Variants in TDP1 observed in about 807,000 individuals in gnomAD.
TDP1 encodes tyr-DNA phosphodiesterase 1.
Under a neutral mutation model 81.5 loss-of-function variants are expected in TDP1, and 64 were observed. That is an observed-to-expected ratio of 0.79 (90% CI 0.64 to 0.97). The LOEUF (loss-of-function observed/expected upper bound fraction) is 0.97, where lower values mean the gene tolerates loss of function less well. TDP1 is among the 50% of genes least tolerant of loss of function. The pLI is 0.00. For missense variants in TDP1, 723 were observed against 743.8 expected, an observed-to-expected ratio of 0.97 and a Z score of 0.33; for synonymous variants, 256 against 264.3, an observed-to-expected ratio of 0.97 and a Z score of 0.30.
Position 89,988,910 on chromosome 14 carries a change from GA to G in TDP1, c.1140del (p.Asp381ThrfsTer15), listed in dbSNP as rs1332827993. ...WGHFRLKKLL[K>X]DHASSMPNAE... ...TCACTTTTATTCTTTCCCAGCTTCT[GA>G]AAGACCATGCCTCATCCATGCCTAA... On this transcript the variant is annotated frameshift_variant, in exon 11 of 17. Transcript: ENST00000335725. LOFTEE classifies it high-confidence loss of function. The G allele has an allele frequency of 1.9e-6, 3 of 1,613,934 alleles. No individual in the cohort carries two copies. The highest frequency in any genetic ancestry group is 2.5e-6 in the Non-Finnish European group (3 of 1,179,970).
chr14:89,971,056 G>A (rs1025916986), intron 5 of TDP1, 119 bp from the exon 6 acceptor site: 4 of 805,472 alleles, frequency 5.0e-6, no homozygotes, highest in Admixed American at 3.9e-5. Flanking sequence ...GTCTGGTCTC[G>A]AACTCCTGAC....
intron 14 of TDP1, among the ~76,000 whole-genome samples, chr14:90,010,836 G>A (rs776380803): frequency 2.0e-5 from 3 of 152,116 alleles, no homozygotes; most frequent in Admixed American, 6.5e-5. Context: ...GAAACTAATG[G>A]GCACTGCATA....
At chr14:89,971,374 C>A in intron 6 of TDP1, 103 bp downstream of exon 6, 1 of 817,730 alleles carries the variant, frequency 1.2e-6, no homozygotes, top group Non-Finnish European at 2.1e-6. Context: ...CTCTCTCCAG[C>A]ATCAGTCATC....
chr14:89,967,655 A>G (rs993757583), intron 5 of TDP1, among the ~76,000 whole-genome samples: 4 of 152,220 alleles, frequency 2.6e-5, no homozygotes, highest in Non-Finnish European at 5.9e-5. Context: ...GGAAGTAGAT[A>G]AGGACAGGCT....
chr14:89,982,807 C>G (rs1895140505), intron 8 of TDP1, among the ~76,000 whole-genome samples: 1 of 152,150 alleles, frequency 6.6e-6, no homozygotes, highest in Non-Finnish European at 1.5e-5. Flanking sequence ...ATATTCTACT[C>G]TCTAATGTTT....
At position 89,989,884 on chromosome 14, in the gene TDP1, T is replaced by A. The variant is rs1225871957; in HGVS notation, c.1366+119T>A. The A allele has an allele frequency of 3.8e-6, 3 of 798,058 alleles. No individual in the cohort carries two copies. In the African/African-American group the frequency reaches 5.1e-5, roughly 14 times the overall value. The allele number at this position is 798,058 out of a possible 1,614,324, so 49.4% of individuals were successfully genotyped here. ...TGGTTTTCACTTAACTATATAAGGA[T>A]CATGAAAATAGGCAATATGAAGCTC... On this transcript the variant is annotated intron_variant, in intron 12 of 16. Transcript: ENST00000335725.
chr14:89,976,525 C>CCCTTT (rs1440225563), intron 7 of TDP1, among the ~76,000 whole-genome samples: 1 of 135,534 alleles, frequency 7.4e-6, no homozygotes, highest in African/African-American at 3.0e-5. Flanking sequence ...CTCAACAGAG[C>CCCTTT]TCTTTTTTTT....
upstream of TDP1, chr14:89,955,809 A>G (rs1194673767): frequency 2.1e-5 from 3 of 144,218 alleles, no homozygotes; most frequent in Non-Finnish European, 4.4e-5. Flanking sequence ...CGTCCTGGGT[A>G]AACACCCGGC....
chr14:90,004,441 A>G (rs1182236648), intron 14 of TDP1, among the ~76,000 whole-genome samples: 1 of 152,224 alleles, frequency 6.6e-6, no homozygotes, highest in African/African-American at 2.4e-5. Flanking sequence ...GCGCTTTTTT[A>G]TACTAGCTCA....
chr14:89,981,883 T>TG (rs1895011360), intron 8 of TDP1, among the ~76,000 whole-genome samples: 1 of 150,598 alleles, frequency 6.6e-6, no homozygotes, highest in African/African-American at 2.5e-5. Context: ...GACAAGGTTT[T>TG]GCCTAGTTGC....
chr14:90,011,907 G>A (rs1252849135), intron 14 of TDP1, among the ~76,000 whole-genome samples: 1 of 152,214 alleles, frequency 6.6e-6, no homozygotes, highest in African/African-American at 2.4e-5. Flanking sequence ...CATAAGTAAT[G>A]AGGAGCCAAA....
chr14:90,013,875 A>G (rs1885005678), intron 14 of TDP1, among the ~76,000 whole-genome samples: 1 of 152,062 alleles, frequency 6.6e-6, no homozygotes, highest in African/African-American at 2.4e-5. Flanking sequence ...TTTGCCTGCT[A>G]CCACCTTTGT....
At chr14:89,983,940 C>T (rs1000288863) in intron 8 of TDP1, among the ~76,000 whole-genome samples, 2 of 152,136 alleles carry the variant, frequency 1.3e-5, no homozygotes, top group African/African-American at 4.8e-5. Flanking sequence ...AATCCAGGCA[C>T]CAGAAAGTAT....
chr14:89,989,495 G>GA (rs1895947546), intron 11 of TDP1: 2 of 895,766 alleles, frequency 2.2e-6, no homozygotes, highest in Non-Finnish European at 2.7e-6. Flanking sequence ...AATTTCAAAG[G>GA]AAAAAATACT....
chr14:89,963,774 C>G, intron 3 of TDP1, 101 bp downstream of exon 3: 1 of 1,366,862 alleles, frequency 7.3e-7, no homozygotes, highest in Non-Finnish European at 1.0e-6. Context: ...GAGAACTCTT[C>G]TTTGTGTTCT....
intron 14 of TDP1, among the ~76,000 whole-genome samples, chr14:89,996,203 T>C (rs1282706310): frequency 6.6e-6 from 1 of 152,174 alleles, no homozygotes; most frequent in Non-Finnish European, 1.5e-5. Flanking sequence ...TTCTGAAACA[T>C]AGAGTTTCCT....
chr14:89,985,717 A>T (rs1895480782), intron 10 of TDP1, among the ~76,000 whole-genome samples: 1 of 152,204 alleles, frequency 6.6e-6, no homozygotes, highest in African/African-American at 2.4e-5. Flanking sequence ...ATCTCTTTTT[A>T]GGTGGTTTAC....
At chr14:90,019,968 T>A (rs1596661411) in intron 15 of TDP1, among the ~76,000 whole-genome samples, 1 of 152,102 alleles carries the variant, frequency 6.6e-6, no homozygotes, top group Non-Finnish European at 1.5e-5. Flanking sequence ...GCGGGGCCAG[T>A]GGGGTGGCAC....
intron 10 of TDP1, 106 bp from the exon 11 acceptor site, chr14:89,988,799 T>C: frequency 6.4e-7 from 1 of 1,556,612 alleles, no homozygotes; most frequent in Admixed American, 1.9e-5. Context: ...TTTCAGCTTT[T>C]CTTGTTAATT....
Sources: allele counts gnomAD v4.1 joint callset (sites outside exome capture counted in the v4.1 genomes callset), GRCh38; gene constraint gnomAD v4.1.1; transcripts MANE v1.5; gene names NCBI Gene and HGNC (gene_info 2026-07-23, HGNC 2026-07-21).